Variants in CNTNAP5 observed in about 807,000 individuals in gnomAD.
CNTNAP5 encodes the protein contactin associated protein family member 5.
In CNTNAP5, 72 loss-of-function variants were observed where a neutral mutation model predicts 150.2. The observed-to-expected ratio is 0.48, with a 90% CI of 0.40 to 0.58. The LOEUF (loss-of-function observed/expected upper bound fraction) is 0.58. CNTNAP5 is among the 20% of genes least tolerant of loss of function. CNTNAP5 has a pLI of 0.00. For synonymous variants in CNTNAP5, 672 were observed against 619.8 expected (o/e 1.08, Z -1.25); for missense variants, 1,636 against 1,626.2 (o/e 1.01, Z -0.10).
intron 13 of CNTNAP5, among the ~76,000 whole-genome samples, chr2:124,652,016 A>G (rs1417039937): frequency 2.6e-5 from 4 of 152,200 alleles, no homozygotes; most frequent in African/African-American, 9.6e-5. Flanking sequence ...AAGGTCGTGC[A>G]TGGGTCACCA....
intron 4 of CNTNAP5, among the ~76,000 whole-genome samples, chr2:124,430,830 C>T (rs899587355): frequency 6.6e-6 from 1 of 152,126 alleles, no homozygotes; most frequent in Non-Finnish European, 1.5e-5. Flanking sequence ...TTTTTCACAC[C>T]AAGTTCTTGA....
chr2:124,213,152 T>G (rs1425635977), intron 1 of CNTNAP5, among the ~76,000 whole-genome samples: 3 of 151,994 alleles, frequency 2.0e-5, no homozygotes, highest in African/African-American at 7.2e-5. Flanking sequence ...TGTAGATAAT[T>G]CTGCTCTTTC....
intron 19 of CNTNAP5, among the ~76,000 whole-genome samples, chr2:124,824,222 T>C (rs528604131): frequency 5.9e-4 from 90 of 152,158 alleles, no homozygotes; most frequent in Middle Eastern, 3.4e-3. Flanking sequence ...CTGGCCCTTA[T>C]GTTCTTTTAG....
intron 13 of CNTNAP5, among the ~76,000 whole-genome samples, chr2:124,723,701 G>A (rs1680095155): frequency 6.6e-6 from 1 of 152,142 alleles, no homozygotes; most frequent in African/African-American, 2.4e-5. Flanking sequence ...ATTTTGACTT[G>A]CAGATGGCCA....
chr2:124,820,117 T>G (rs1363327665), intron 19 of CNTNAP5, among the ~76,000 whole-genome samples: 1 of 152,200 alleles, frequency 6.6e-6, no homozygotes, highest in Non-Finnish European at 1.5e-5. Context: ...CTTTCCTTAC[T>G]CTGGTCTTAC....
intron 3 of CNTNAP5, among the ~76,000 whole-genome samples, chr2:124,343,214 T>A (rs1689661035): frequency 1.3e-5 from 2 of 152,194 alleles, no homozygotes; most frequent in Non-Finnish European, 2.9e-5. Context: ...TAATTAAATG[T>A]AATAACCGAA....
At chr2:124,802,756 A>G (rs1221263193) in intron 19 of CNTNAP5, among the ~76,000 whole-genome samples, 1 of 152,188 alleles carries the variant, frequency 6.6e-6, no homozygotes, top group African/African-American at 2.4e-5. Context: ...TTCATGGGGC[A>G]CTTACCATGT....
At chr2:124,647,139 T>C (rs914326373) in intron 12 of CNTNAP5, among the ~76,000 whole-genome samples, 2 of 132,106 alleles carry the variant, frequency 1.5e-5, no homozygotes, top group Non-Finnish European at 3.5e-5. Context: ...CCTTCCGTCA[T>C]GATTTAAAGG....
chr2:124,389,025 G>C (rs1357699193), intron 3 of CNTNAP5, among the ~76,000 whole-genome samples: 1 of 152,096 alleles, frequency 6.6e-6, no homozygotes. Context: ...GACCAGAGAG[G>C]CTACAGGAAC....
intron 13 of CNTNAP5, among the ~76,000 whole-genome samples, chr2:124,696,973 G>T (rs1679418115): frequency 6.6e-6 from 1 of 151,990 alleles, no homozygotes; most frequent in Non-Finnish European, 1.5e-5. Context: ...GTTTCTTTCA[G>T]CCTTTTCATT....
At chr2:124,429,211 G>A (rs1692311448) in intron 4 of CNTNAP5, among the ~76,000 whole-genome samples, 1 of 152,128 alleles carries the variant, frequency 6.6e-6, no homozygotes, top group South Asian at 2.1e-4. Context: ...AAGTGAAGTT[G>A]GGAGTGCTGA....
At chr2:124,216,992 T>C (rs1686174896) in intron 1 of CNTNAP5, among the ~76,000 whole-genome samples, 2 of 152,182 alleles carry the variant, frequency 1.3e-5, no homozygotes, top group African/African-American at 4.8e-5. Context: ...TTAAACTAGT[T>C]TACGGTCCCA....
intron 3 of CNTNAP5, among the ~76,000 whole-genome samples, chr2:124,348,025 T>G (rs1415686637): frequency 6.6e-6 from 1 of 151,918 alleles, no homozygotes; most frequent in Non-Finnish European, 1.5e-5. Flanking sequence ...GGAGACGGGG[T>G]TTCACTGTGT....
In CNTNAP5 at chr2:124,303,818, G is replaced by A. The variant is rs572267597; in HGVS notation, c.381+61425G>A. Among the ~76,000 whole-genome samples the A allele has an allele frequency of 4.7e-4, 72 of 152,156 alleles. No homozygotes were observed. In the South Asian group the frequency reaches 0.012, roughly 25 times the overall value. ...GAGGCCACAGAGGGGCATCGCTTGA[G>A]GCCAGGAGTTCAAGACCAGCCTAAG... On this transcript the variant is annotated intron_variant, in intron 3 of 23. Transcript: ENST00000682447.
chr2:124,396,654 T>C (rs1232209044), intron 3 of CNTNAP5, among the ~76,000 whole-genome samples: 1 of 152,160 alleles, frequency 6.6e-6, no homozygotes, highest in African/African-American at 2.4e-5. Flanking sequence ...CCTTTTCTAA[T>C]GAATAGTTGG....
chr2:124,808,968 T>G (rs556254261), intron 19 of CNTNAP5, among the ~76,000 whole-genome samples: 1 of 152,208 alleles, frequency 6.6e-6, no homozygotes, highest in East Asian at 1.9e-4. Flanking sequence ...CCAGAGCTCT[T>G]ATGGTAAGAC....
chr2:124,333,421 G>C (rs1349934157), intron 3 of CNTNAP5, among the ~76,000 whole-genome samples: 2 of 152,178 alleles, frequency 1.3e-5, no homozygotes, highest in Non-Finnish European at 2.9e-5. Context: ...AAAAGACAAG[G>C]TAGGAAATTT....
intron 1 of CNTNAP5, among the ~76,000 whole-genome samples, chr2:124,067,777 T>A (rs899121509): frequency 1.6e-4 from 25 of 152,204 alleles, no homozygotes; most frequent in African/African-American, 5.8e-4. Context: ...ATTATCTTTT[T>A]CTTGAGAAAG....
intron 3 of CNTNAP5, among the ~76,000 whole-genome samples, chr2:124,266,239 C>T (rs1240998890): frequency 6.6e-6 from 1 of 152,148 alleles, no homozygotes; most frequent in Non-Finnish European, 1.5e-5. Context: ...GCATCTTGCA[C>T]TATGATATCC....
Sources: allele counts gnomAD v4.1 joint callset (sites outside exome capture counted in the v4.1 genomes callset), GRCh38; gene constraint gnomAD v4.1.1; transcripts MANE v1.5; gene names NCBI Gene and HGNC (gene_info 2026-07-23, HGNC 2026-07-21).